The following HK2 variants were observed in gnomAD, a reference collection of about 807,000 sequenced individuals.
HK2 encodes hexokinase 2, also known as hexokinase-2.
HK2 carries 42 observed loss-of-function variants against 92.9 expected under a neutral mutation model. The observed-to-expected ratio is 0.45, with a 90% CI of 0.35 to 0.58. HK2 has a LOEUF of 0.58. Among genes scored for constraint, HK2 ranks in the 20% least tolerant of loss-of-function variants. The pLI is 0.00. For synonymous variants in HK2, 422 were observed against 468.0 expected (o/e 0.90, Z 1.27); for missense variants, 978 against 1,245.1 (o/e 0.79, Z 3.23).
At chr2:74,837,934 G>A (rs533106313) in intron 1 of HK2, among the ~76,000 whole-genome samples, 63 of 151,974 alleles carry the variant, frequency 4.1e-4, no homozygotes, top group Non-Finnish European at 7.4e-4. Flanking sequence ...TCAGCCTCCC[G>A]TAGTGTTGGG....
chr2:74,843,034 C>T (rs1041173958), intron 1 of HK2, among the ~76,000 whole-genome samples: 1 of 152,158 alleles, frequency 6.6e-6, no homozygotes, highest in Non-Finnish European at 1.5e-5. Flanking sequence ...AATACTTGCT[C>T]ACTCATCCTC....
In HK2 at chr2:74,881,758, G is replaced by A; in HGVS notation, c.1618G>A (p.Val540Ile). The A allele has an allele frequency of 6.2e-7, 1 of 1,614,200 alleles. No individual in the cohort carries two copies. The highest frequency in any genetic ancestry group is 8.5e-7 in the Non-Finnish European group (1 of 1,180,038). The change falls in exon 11 of 18, where the codon GTC becomes ATC. Residue 540 changes from valine to isoleucine, a missense_variant. Physicochemically the swap from Val to Ile is conservative, Grantham distance 29. Around this residue, in one of 3 missense-constraint regions of HK2, gnomAD observed 742 missense variants for 922.5 expected, o/e 0.80. Transcript: ENST00000290573. ...ALDLGGTNFR[V>I]LLVRVRNGKW... Reference sequence around the variant, plus strand: ...GGACCTTGGAGGAACAAATTTCCGGGTCCTGCTGGTCCGTGTTCGGAATGG... The same window carrying A: ...GGACCTTGGAGGAACAAATTTCCGGATCCTGCTGGTCCGTGTTCGGAATGG...
intron 2 of HK2, among the ~76,000 whole-genome samples, chr2:74,858,929 T>G (rs557457148): frequency 6.6e-6 from 1 of 152,348 alleles, no homozygotes; most frequent in South Asian, 2.1e-4. Flanking sequence ...GTACCTGTGC[T>G]TCATAGGTTG....
Position 74,854,472 on chromosome 2 carries a change from A to T in HK2, c.226+17A>T. 1 of 1,613,566 alleles carries T rather than the reference A, an allele frequency of 6.2e-7. No individual in the cohort carries two copies. Among genetic ancestry groups the T allele is most frequent in the Non-Finnish European group, 8.5e-7 (1 of 1,179,546 alleles). Reference sequence around the variant, plus strand: ...ATGGGACAGGTACTGCATCTGGGGGATGGCTCTAGCTGCTGCGTTACTCAG... The same window carrying T: ...ATGGGACAGGTACTGCATCTGGGGGTTGGCTCTAGCTGCTGCGTTACTCAG... On this transcript the variant is annotated intron_variant, in intron 2 of 17. Coordinates refer to ENST00000290573, the MANE Select transcript of HK2 (RefSeq NM_000189.5).
chr2:74,878,619 AC>A, intron 8 of HK2, 68 bp from the exon 9 acceptor site: 11 of 1,268,430 alleles, frequency 8.7e-6, no homozygotes, highest in South Asian at 1.3e-5. Flanking sequence ...CTTCCTTGCC[AC>A]CCCCCGACAC....
chr2:74,849,600 G>A (rs932052643), intron 1 of HK2, among the ~76,000 whole-genome samples: 11 of 152,192 alleles, frequency 7.2e-5, no homozygotes, highest in African/African-American at 2.7e-4. Flanking sequence ...AATAGTTTGG[G>A]GAAACAGCCT....
At chr2:74,882,487 G>GT (rs1475274822) in intron 12 of HK2, among the ~76,000 whole-genome samples, 1 of 151,136 alleles carries the variant, frequency 6.6e-6, no homozygotes, top group East Asian at 1.9e-4. Flanking sequence ...CAACTGCCGG[G>GT]TGTGGTGACT....
Position 74,886,333 on chromosome 2 carries a change from G to T in HK2, c.1975G>T (p.Val659Phe), listed in dbSNP as rs1689536451. Residue 659 changes from valine to phenylalanine, a missense_variant, in exon 14 of 18, where the codon GTC becomes TTC. By Grantham distance (50) the Val-to-Phe change is conservative. Around this residue, in one of 3 missense-constraint regions of HK2, gnomAD observed 742 missense variants for 922.5 expected, o/e 0.80. Transcript: ENST00000290573. ...TGTGGTTGCTGTGGTGAACGACACA[G>T]TCGGAACTATGATGACCTGTGGCTT... ...LDVVAVVNDT[V>F]GTMMTCGFED... 6.2e-7 allele frequency: 1 copy of T among 1,614,092 alleles called. No individual in the cohort carries two copies. The highest frequency in any genetic ancestry group is 1.1e-5 in the South Asian group (1 of 91,092).
At position 74,890,874 on chromosome 2, in the gene HK2, G is replaced by A. The variant is rs370854369; in HGVS notation, c.2687G>A (p.Gly896Asp). ...CDVSFLQSED[G>D]SGKGAALITA... ...GTGTCTTTCCTGCAGTCAGAGGATG[G>A]CAGCGGGAAGGGGGCGGCGCTCATC... The change falls in exon 18 of 18, where the codon GGC becomes GAC. Residue 896 changes from glycine (G) to aspartate (D), a missense_variant. Physicochemically the swap from Gly to Asp is moderately conservative, Grantham distance 94. Transcript: ENST00000290573. 7.4e-5 allele frequency: 119 copies of A among 1,614,110 alleles called. No homozygotes were observed. Among genetic ancestry groups the A allele is most frequent in the Non-Finnish European group, 9.7e-5 (115 of 1,180,044 alleles).
At chr2:74,888,796 G>T (rs974872391) in intron 16 of HK2, among the ~76,000 whole-genome samples, 4 of 151,928 alleles carry the variant, frequency 2.6e-5, no homozygotes, top group South Asian at 4.2e-4. Context: ...CACTTCCTTC[G>T]TAAATAGCAT....
At chr2:74,855,991 G>T (rs181952550) in intron 2 of HK2, among the ~76,000 whole-genome samples, 14 of 152,184 alleles carry the variant, frequency 9.2e-5, no homozygotes, top group South Asian at 2.1e-4. Flanking sequence ...GGTGGTGGGT[G>T]GGGGGTAGGT....
chr2:74,869,260 C>G (rs140879846), intron 3 of HK2, among the ~76,000 whole-genome samples: 2 of 152,142 alleles, frequency 1.3e-5, no homozygotes, highest in African/African-American at 4.8e-5. Context: ...ATCTTTGATC[C>G]TAAGGAATAG....
At chr2:74,887,874 A>C (rs201507593) in intron 15 of HK2, 29 bp from the exon 16 acceptor site, 302 of 1,611,408 alleles carry the variant, frequency 1.9e-4, no homozygotes, top group Middle Eastern at 1.4e-3. Flanking sequence ...CTTCCTACTT[A>C]ACCTCCATGA....
chr2:74,882,336 A>T, intron 12 of HK2, 97 bp downstream of exon 12: 1 of 1,588,316 alleles, frequency 6.3e-7, no homozygotes, highest in Non-Finnish European at 8.6e-7. Flanking sequence ...AGCTAAGACT[A>T]AGGAAAGGAG....
chr2:74,843,884 G>A (rs146520069), intron 1 of HK2, among the ~76,000 whole-genome samples: 45 of 152,232 alleles, frequency 3.0e-4, no homozygotes, highest in African/African-American at 1.1e-3. Flanking sequence ...TCCCCTCCAT[G>A]AAGTCCTGTA....
chr2:74,875,699 A>T (rs1239911179), intron 7 of HK2, among the ~76,000 whole-genome samples: 2 of 152,138 alleles, frequency 1.3e-5, no homozygotes, highest in Non-Finnish European at 2.9e-5. Context: ...TGTTGAAATG[A>T]GTCCTTTACT....
In HK2 at chr2:74,874,517, G is replaced by A. The variant is rs557406567; in HGVS notation, c.875+68G>A. 3.4e-6 allele frequency: 5 copies of A among 1,459,498 alleles called. No homozygotes were observed. The East Asian group carries it at 1.2e-4, about 36-fold the overall frequency. 90.4% of individuals were successfully genotyped at this position (1,459,498 alleles called of 1,614,324 possible). On this transcript the variant is annotated intron_variant, in intron 7 of 17. Coordinates refer to ENST00000290573, the MANE Select transcript of HK2 (RefSeq NM_000189.5). ...GGAGCTGAGTCTGGGGCTGGTCGGG[G>A]CCAGGGGGTTGTTTCTTTACAGTCT...
intron 15 of HK2, 54 bp downstream of exon 15, chr2:74,886,727 A>C: frequency 2.6e-6 from 4 of 1,564,690 alleles, no homozygotes; most frequent in Non-Finnish European, 3.5e-6. Flanking sequence ...GATGGCAACA[A>C]GTGATCAGAG....
In HK2 at chr2:74,890,967, C is replaced by T. The variant is rs1558808212; in HGVS notation, c.*26C>T. 6.2e-7 allele frequency: 1 copy of T among 1,612,518 alleles called. No homozygotes were observed. On this transcript the variant is annotated 3_prime_UTR_variant, in exon 18 of 18. Coordinates refer to ENST00000290573, the MANE Select transcript of HK2 (RefSeq NM_000189.5). Reference sequence around the variant, plus strand: ...AACCCCTGAAATCGGAAGGGACTTCCTCTTTCTCTCCTTCTTCCCTGTTTT... The same window carrying T: ...AACCCCTGAAATCGGAAGGGACTTCTTCTTTCTCTCCTTCTTCCCTGTTTT...
Sources: allele counts gnomAD v4.1 joint callset (sites outside exome capture counted in the v4.1 genomes callset), GRCh38; gene constraint gnomAD v4.1.1; regional missense constraint gnomAD v4.1.1; transcripts MANE v1.5; gene names NCBI Gene and HGNC (gene_info 2026-07-23, HGNC 2026-07-21).